The following LRRC61 variants were observed in gnomAD, a reference collection of about 807,000 sequenced individuals.
The protein encoded by LRRC61 is leucine rich repeat containing 61, also known as leucine-rich repeat-containing protein 61.
A neutral mutation model predicts 15.1 loss-of-function variants in LRRC61; 9 were observed. The ratio of observed to expected loss-of-function variants is 0.60; its 90% confidence interval spans 0.36 to 1.04. The LOEUF (loss-of-function observed/expected upper bound fraction) is 1.04, where lower values mean the gene tolerates loss of function less well. Among genes scored for constraint, LRRC61 ranks in the 50% least tolerant of loss-of-function variants. The probability of loss-of-function intolerance (pLI) is 0.01; values close to 1 mark genes in which losing one functional copy is unlikely to be tolerated. For synonymous variants in LRRC61, 173 were observed against 158.6 expected (o/e 1.09, Z -0.68); for missense variants, 344 against 335.6 (o/e 1.03, Z -0.20).
At chr7:150,322,536 T>C (rs572106000), upstream of LRRC61, 1 of 152,282 alleles carries the variant, frequency 6.6e-6, no homozygotes, top group African/African-American at 2.4e-5. Flanking sequence ...CATCATGAAA[T>C]ACTCTATATG....
At chr7:150,331,486 AT>A (rs940335651) in intron 2 of LRRC61, 23 of 201,960 alleles carry the variant, frequency 1.1e-4, no homozygotes, top group Middle Eastern at 2.2e-3. Flanking sequence ...AGATTGCCAT[AT>A]TTTTTTTTCT....
chr7:150,320,071 TG>T (rs1313440832), upstream of LRRC61, among the ~76,000 whole-genome samples: 2 of 152,224 alleles, frequency 1.3e-5, no homozygotes, highest in African/African-American at 4.8e-5. Flanking sequence ...GGATTAACGC[TG>T]GAAAGGGACC....
Position 150,323,434 on chromosome 7 carries a change from CGCCAGGCGGCGGGCGGCGGG to C in LRRC61, c.-438_-419del. 2.9e-6 allele frequency: 1 copy of C among 344,518 alleles called. No homozygotes were observed. The highest frequency in any genetic ancestry group is 5.5e-6 in the Non-Finnish European group (1 of 181,744). The allele number at this position is 344,518 out of a possible 1,614,324, so 21.3% of individuals were successfully genotyped here. Reference sequence around the variant, plus strand: ...GGCACGCGGCCCAGGGGTCAGGGGCCGCCAGGCGGCGGGCGGCGGGGCTGCGGCTCTTACCTGCCGAGGAG... The same window carrying C: ...GGCACGCGGCCCAGGGGTCAGGGGCCGCTGCGGCTCTTACCTGCCGAGGAG... On this transcript the variant is annotated 5_prime_UTR_variant, in exon 1 of 3. Transcript: ENST00000359623.
At chr7:150,332,683 A>G (rs1485141821) in intron 2 of LRRC61, 1 of 167,106 alleles carries the variant, frequency 6.0e-6, no homozygotes, top group East Asian at 1.9e-4. Flanking sequence ...TCGCAGTATA[A>G]TAATTGCACC....
rs922059954 is a variant in LRRC61 at position 150,335,936 on chromosome 7, G to A, written c.-144-782G>A. On this transcript the variant is annotated intron_variant, in intron 2 of 2. Coordinates refer to ENST00000359623, the MANE Select transcript of LRRC61 (RefSeq NM_001142928.2). The surrounding 1 kb of genome is among the most constrained non-coding windows in gnomAD (Gnocchi z 4.3). ...ACAGCCTGCCCTTTGGGAAATTTAT[G>A]TTGTCTTTGCAGCTGGCACCGTGCT... Among the ~76,000 whole-genome samples the A allele has an allele frequency of 8.5e-5, 13 of 152,184 alleles. No individual in the cohort carries two copies. The highest frequency in any genetic ancestry group is 1.4e-4 in the African/African-American group (6 of 41,444).
At chr7:150,318,461 C>T (rs1244841511), upstream of LRRC61, among the ~76,000 whole-genome samples, 1 of 152,110 alleles carries the variant, frequency 6.6e-6, no homozygotes, top group Non-Finnish European at 1.5e-5. Flanking sequence ...ATAAAGATGC[C>T]AACTTTAAAG....
upstream of LRRC61, among the ~76,000 whole-genome samples, chr7:150,321,594 G>T (rs1797520250): frequency 6.6e-6 from 1 of 152,134 alleles, no homozygotes; most frequent in South Asian, 2.1e-4. Flanking sequence ...ACAAAAATTA[G>T]CCAGGTGTGG....
the LRRC61 span, among the ~76,000 whole-genome samples, chr7:150,315,727 C>G: frequency 2.0e-5 from 3 of 152,192 alleles, no homozygotes; most frequent in South Asian, 4.2e-4. Flanking sequence ...CAGAGAGACT[C>G]TAGCATGTAG....
intron 2 of LRRC61, chr7:150,331,663 C>T (rs1045488704): frequency 2.4e-5 from 4 of 167,514 alleles, no homozygotes; most frequent in South Asian, 2.1e-4. Flanking sequence ...TTGCATACAC[C>T]TTGTCTGTGT....
intron 1 of LRRC61, chr7:150,323,765 T>C: frequency 2.2e-6 from 1 of 449,838 alleles, no homozygotes; most frequent in South Asian, 1.6e-5. Flanking sequence ...ATTAATTAAC[T>C]CGTTTAACAC....
At chr7:150,316,043 C>T in the LRRC61 span, among the ~76,000 whole-genome samples, 1 of 152,128 alleles carries the variant, frequency 6.6e-6, no homozygotes, top group South Asian at 2.1e-4. Context: ...ACTAAAAATA[C>T]GAAATTAGCT....
At chr7:150,334,756 G>A (rs11981224) in intron 2 of LRRC61, among the ~76,000 whole-genome samples, 2,049 of 152,328 alleles carry the variant, frequency 0.013, 44 homozygotes, top group African/African-American at 0.047. Context: ...GGTGGCTCAC[G>A]CCTGTAATCC....
chr7:150,330,285 C>T lies in LRRC61; in HGVS notation c.-145+4275C>T. On this transcript the variant is annotated intron_variant, in intron 2 of 2. Coordinates refer to ENST00000359623, the MANE Select transcript of LRRC61 (RefSeq NM_001142928.2). The surrounding 1 kb of genome is among the most constrained non-coding windows in gnomAD (Gnocchi z 4.6). ...CCACCTGCTGGAGTGGCTGGTGGAGCAGCAGCAGCCCCTTCAAGAGTACAA... is the reference window on the plus strand; with the variant it reads ...CCACCTGCTGGAGTGGCTGGTGGAGTAGCAGCAGCCCCTTCAAGAGTACAA... The T allele has an allele frequency of 1.6e-6, 1 of 640,392 alleles. No individual in the cohort carries two copies. The highest frequency in any genetic ancestry group is 1.8e-5 in the African/African-American group (1 of 55,218). 39.7% of individuals were successfully genotyped at this position (640,392 alleles called of 1,614,324 possible).
the LRRC61 span, among the ~76,000 whole-genome samples, chr7:150,315,725 C>T: frequency 6.6e-6 from 1 of 152,126 alleles, no homozygotes; most frequent in Non-Finnish European, 1.5e-5. Flanking sequence ...TCCAGAGAGA[C>T]TCTAGCATGT....
rs774442737 is a variant in LRRC61, at chr7:150,337,502, C to G, written c.641C>G (p.Ser214Cys). The change falls in exon 3 of 3, where the codon TCC becomes TGC. Residue 214 changes from serine (S) to cysteine (C), a missense_variant. Transcript: ENST00000359623. ...GAGTCCTGGCCCAGCCGGAGCAGCT[C>G]CATCCTGGAGGAGGCCTGCCGGCAG... ...YWESWPSRSS[S>C]ILEEACRQFQ... is the part of the protein sequence containing the mutation. 3 of 1,603,052 alleles carry G rather than the reference C, an allele frequency of 1.9e-6. No homozygotes were observed. Among genetic ancestry groups the G allele is most frequent in the South Asian group, 1.1e-5 (1 of 91,020 alleles).
upstream of LRRC61, among the ~76,000 whole-genome samples, chr7:150,318,633 A>T (rs1265048086): frequency 6.6e-6 from 1 of 152,184 alleles, no homozygotes; most frequent in Non-Finnish European, 1.5e-5. Context: ...GTGGTGGTGC[A>T]GAGCTGTAGT....
the LRRC61 span, among the ~76,000 whole-genome samples, chr7:150,312,973 T>C: frequency 6.6e-6 from 1 of 152,168 alleles, no homozygotes; most frequent in Non-Finnish European, 1.5e-5. Flanking sequence ...ACCAACCTTA[T>C]GACATTCCAC....
At position 150,337,576 on chromosome 7, in the gene LRRC61, G is replaced by A. The variant is rs755788331; in HGVS notation, c.715G>A (p.Asp239Asn). 6.9e-6 allele frequency: 11 copies of A among 1,585,700 alleles called. 1 individual carries two copies. The highest frequency in any genetic ancestry group is 2.2e-5 in the East Asian group (1 of 44,528). ...CTGGGACCTGGACCGCCAGGCCAGC[G>A]ACAGCCTGGCCCAGGCGGAGCAGGT... is the stretch of plus-strand genomic sequence containing the variant. The part of the protein sequence containing the change: ...ECWDLDRQAS[D>N]SLAQAEQVLS... Residue 239 changes from aspartate to asparagine, a missense_variant, in exon 3 of 3, where the codon GAC becomes AAC. By Grantham distance (23) the Asp-to-Asn change is conservative (BLOSUM62 1). Transcript: ENST00000359623.
the LRRC61 span, among the ~76,000 whole-genome samples, chr7:150,315,937 C>T: frequency 5.1e-4 from 77 of 152,340 alleles, no homozygotes; most frequent in African/African-American, 1.9e-3. Flanking sequence ...GTGGCTCACG[C>T]CTGTAATCCC....
Sources: allele counts gnomAD v4.1 joint callset (sites outside exome capture counted in the v4.1 genomes callset), GRCh38; gene constraint gnomAD v4.1.1; non-coding constraint Gnocchi (gnomAD v3.1); transcripts MANE v1.5; gene names NCBI Gene and HGNC (gene_info 2026-07-23, HGNC 2026-07-21).